Variants in CACNA2D1 observed in about 807,000 individuals in gnomAD.
CACNA2D1 encodes calcium voltage-gated channel auxiliary subunit alpha2delta 1.
Under a neutral mutation model 171.5 loss-of-function variants are expected in CACNA2D1, and 53 were observed. The observed-to-expected ratio is 0.31, with a 90% confidence interval of 0.25 to 0.39. The LOEUF is 0.39. Among genes scored for constraint, CACNA2D1 ranks in the 10% least tolerant of loss-of-function variants. CACNA2D1 has a pLI of 1.00. For synonymous variants in CACNA2D1, 442 were observed against 443.1 expected (o/e 1.00, Z 0.03); for missense variants, 903 against 1,299.8 (o/e 0.69, Z 4.69).
intron 10 of CACNA2D1, among the ~76,000 whole-genome samples, chr7:82,055,242 C>T (rs761920227): frequency 3.9e-5 from 6 of 152,260 alleles, no homozygotes; most frequent in Non-Finnish European, 8.8e-5. Flanking sequence ...CCTATACCCT[C>T]TGGACAGGCA....
At chr7:82,436,159 T>C (rs1776778210) in intron 1 of CACNA2D1, among the ~76,000 whole-genome samples, 1 of 152,134 alleles carries the variant, frequency 6.6e-6, no homozygotes, top group African/African-American at 2.4e-5. Flanking sequence ...TCACGTTAAT[T>C]GTTGAATTAA....
intron 23 of CACNA2D1, among the ~76,000 whole-genome samples, chr7:81,983,002 A>G (rs1012175615): frequency 2.6e-5 from 4 of 152,192 alleles, no homozygotes; most frequent in Admixed American, 2.6e-4. Flanking sequence ...GATCCAGAAA[A>G]TGATGTTAAA....
intron 1 of CACNA2D1, among the ~76,000 whole-genome samples, chr7:82,395,566 T>G (rs1450987465): frequency 2.0e-5 from 3 of 152,210 alleles, no homozygotes; most frequent in Admixed American, 2.0e-4. Context: ...TTAAATTCAT[T>G]GATAAAATGT....
intron 3 of CACNA2D1, among the ~76,000 whole-genome samples, chr7:82,197,739 T>TGAAAATAACATTTCCAAGAAG (rs1563189861): frequency 6.6e-6 from 1 of 152,098 alleles, no homozygotes; most frequent in Non-Finnish European, 1.5e-5. Context: ...ATAATATGCA[T>TGAAAATAACATTTCCAAGAAG]GAAAATAACA....
chr7:82,172,616 C>CTTT (rs55737158), intron 3 of CACNA2D1, among the ~76,000 whole-genome samples: 25 of 64,508 alleles, frequency 3.9e-4, no homozygotes, highest in African/African-American at 1.5e-3. Context: ...AGAAACCCGG[C>CTTT]TTTTTTTTTT....
intron 3 of CACNA2D1, among the ~76,000 whole-genome samples, chr7:82,297,917 A>AT (rs1812499609): frequency 6.6e-6 from 1 of 152,178 alleles, no homozygotes; most frequent in African/African-American, 2.4e-5. Flanking sequence ...AAGAAGCAGA[A>AT]TTTATTGCCA....
chr7:82,274,201 G>A (rs1012462047), intron 3 of CACNA2D1, among the ~76,000 whole-genome samples: 2 of 133,962 alleles, frequency 1.5e-5, no homozygotes, highest in African/African-American at 8.1e-5. Flanking sequence ...CTCCTCTCAC[G>A]ACTGTATCTT....
chr7:82,260,276 T>C (rs1213956117), intron 3 of CACNA2D1, among the ~76,000 whole-genome samples: 1 of 152,114 alleles, frequency 6.6e-6, no homozygotes, highest in African/African-American at 2.4e-5. Context: ...GCCTGGCACT[T>C]AGCGAGTGTC....
intron 3 of CACNA2D1, among the ~76,000 whole-genome samples, chr7:82,255,374 C>G (rs1465332153): frequency 4.6e-5 from 7 of 152,132 alleles, no homozygotes; most frequent in African/African-American, 1.7e-4. Context: ...TCTGTCTGTT[C>G]TTTGACGTAT....
At chr7:82,235,584 G>A (rs927247168) in intron 3 of CACNA2D1, among the ~76,000 whole-genome samples, 1 of 152,038 alleles carries the variant, frequency 6.6e-6, no homozygotes, top group African/African-American at 2.4e-5. Context: ...ATAAATGCTG[G>A]AATAACAGAA....
chr7:82,146,705 G>A (rs535149838), intron 4 of CACNA2D1, among the ~76,000 whole-genome samples: 24 of 150,638 alleles, frequency 1.6e-4, no homozygotes, highest in Admixed American at 1.3e-3. Context: ...TTACAAATTC[G>A]GCCAGGCGCC....
intron 22 of CACNA2D1, 95 bp from the exon 23 acceptor site, chr7:81,983,429 C>CA: frequency 1.1e-6 from 1 of 916,346 alleles, no homozygotes; most frequent in Non-Finnish European, 1.8e-6. Context: ...CAATGACTTT[C>CA]TTGAATAAAA....
intron 10 of CACNA2D1, chr7:82,050,818 C>T (rs1057280795): frequency 3.7e-6 from 2 of 541,436 alleles, no homozygotes; most frequent in Admixed American, 6.1e-5. Context: ...ACTTGGTACT[C>T]AACAACATTT....
At chr7:82,104,954 T>C (rs1446674331) in intron 6 of CACNA2D1, among the ~76,000 whole-genome samples, 2 of 152,058 alleles carry the variant, frequency 1.3e-5, no homozygotes, top group East Asian at 3.8e-4. Flanking sequence ...TTCTCAAATA[T>C]TCTTGGAAAT....
At chr7:81,961,367 A>G (rs561276421) in intron 36 of CACNA2D1, among the ~76,000 whole-genome samples, 172 of 152,132 alleles carry the variant, frequency 1.1e-3, no homozygotes, top group African/African-American at 3.9e-3. Flanking sequence ...TATTTTTCCC[A>G]GTTCCTTCAA....
At chr7:82,342,253 C>T (rs926625266) in intron 2 of CACNA2D1, among the ~76,000 whole-genome samples, 9 of 151,858 alleles carry the variant, frequency 5.9e-5, no homozygotes, top group African/African-American at 1.9e-4. Flanking sequence ...AATTTATATA[C>T]GTGTGATGTT....
In CACNA2D1 at chr7:81,947,428, C is replaced by T. The variant is rs1028320976; in HGVS notation, c.*2964G>A. 6.6e-6 allele frequency: 1 copy of T among 151,640 alleles called. No homozygotes were observed. The highest frequency in any genetic ancestry group is 1.5e-5 in the Non-Finnish European group (1 of 67,826). 9.4% of individuals were successfully genotyped at this position (151,640 alleles called of 1,614,324 possible). A position where few individuals can be genotyped will look rare whatever the true frequency, so the allele number is the denominator to read the frequency against. ...TAGGCCCAGGACCTAAAAATCTCTT[C>T]AATCAAACTTGCTAACTATGTCATG... On this transcript the variant is annotated 3_prime_UTR_variant, in exon 39 of 39. Transcript: ENST00000356860.
At chr7:82,411,558 T>G (rs1339852412) in intron 1 of CACNA2D1, among the ~76,000 whole-genome samples, 1 of 152,116 alleles carries the variant, frequency 6.6e-6, no homozygotes, top group Non-Finnish European at 1.5e-5. Flanking sequence ...GTAATATTAT[T>G]TAAAATATAT....
chr7:82,017,610 G>GTT (rs56933598), intron 12 of CACNA2D1, among the ~76,000 whole-genome samples: 179 of 148,762 alleles, frequency 1.2e-3, no homozygotes, highest in African/African-American at 4.0e-3. Context: ...TTCTTCAGAT[G>GTT]TTTTTTTTTT....
Sources: gnomAD v4.1 joint callset for allele counts (sites outside exome capture counted in the v4.1 genomes callset) on GRCh38, gnomAD v4.1.1 for gene constraint, MANE v1.5 for transcripts, NCBI Gene and HGNC (gene_info 2026-07-23, HGNC 2026-07-21) for gene names.